Variants in STOX2 observed in about 807,000 individuals in gnomAD.
STOX2 encodes the protein storkhead-box protein 2.
STOX2 carries 28 observed loss-of-function variants against 60.9 expected under a neutral mutation model. The ratio of observed to expected loss-of-function variants is 0.46; its 90% CI spans 0.34 to 0.63. The LOEUF (loss-of-function observed/expected upper bound fraction) is 0.63. Ranked by LOEUF, STOX2 falls within the 30% of genes least tolerant of loss-of-function variation. The probability of loss-of-function intolerance (pLI) is 0.01; values close to 1 mark genes in which losing one functional copy is unlikely to be tolerated. For synonymous variants in STOX2, 472 were observed against 463.9 expected (o/e 1.02, Z -0.22); for missense variants, 1,024 against 1,187.7 (o/e 0.86, Z 2.03).
chr4:184,012,266 C>T (rs1734202743), intron 3 of STOX2, among the ~76,000 whole-genome samples: 1 of 152,176 alleles, frequency 6.6e-6, no homozygotes, highest in Admixed American at 6.5e-5. Flanking sequence ...TTCTTCTCCT[C>T]AAAGAGCAAC....
At chr4:183,936,575 C>G (rs1742598441) in intron 1 of STOX2, among the ~76,000 whole-genome samples, 1 of 151,882 alleles carries the variant, frequency 6.6e-6, no homozygotes, top group Non-Finnish European at 1.5e-5. Context: ...CATGAGTATT[C>G]TGTAGGCAGA....
At chr4:183,919,051 G>T (rs1233806086) in intron 1 of STOX2, among the ~76,000 whole-genome samples, 1 of 152,204 alleles carries the variant, frequency 6.6e-6, no homozygotes, top group Non-Finnish European at 1.5e-5. Context: ...GAAGTAACTT[G>T]CTTTCTATGG....
chr4:183,955,837 G>A (rs1743232088), intron 1 of STOX2, among the ~76,000 whole-genome samples: 1 of 152,022 alleles, frequency 6.6e-6, no homozygotes, highest in Non-Finnish European at 1.5e-5. Context: ...GTGGGAGGTG[G>A]GCTTATCCCT....
intron 1 of STOX2, among the ~76,000 whole-genome samples, chr4:183,874,057 A>C (rs1262952728): frequency 6.6e-6 from 1 of 152,190 alleles, no homozygotes; most frequent in Non-Finnish European, 1.5e-5. Context: ...TGTGGCTCCC[A>C]TAAGTAAGTG....
intron 1 of STOX2, among the ~76,000 whole-genome samples, chr4:183,919,534 C>T (rs990509232): frequency 6.6e-6 from 1 of 152,124 alleles, no homozygotes; most frequent in Non-Finnish European, 1.5e-5. Context: ...CTGGTGTGCT[C>T]CTGAAATGTC....
intron 1 of STOX2, among the ~76,000 whole-genome samples, chr4:183,928,145 G>T (rs1346172069): frequency 2.0e-5 from 3 of 152,140 alleles, no homozygotes; most frequent in Non-Finnish European, 4.4e-5. Flanking sequence ...TTTCCCAACA[G>T]ATTGGTGTTC....
chr4:183,815,008 A>AT (rs959492735), intron 1 of STOX2, among the ~76,000 whole-genome samples: 142 of 151,002 alleles, frequency 9.4e-4, no homozygotes, highest in African/African-American at 3.2e-3. Flanking sequence ...ATTTTATTTT[A>AT]TTTTTTTTCA....
chr4:183,950,669 C>A (rs368573780), intron 1 of STOX2, among the ~76,000 whole-genome samples: 3 of 23,424 alleles, frequency 1.3e-4, no homozygotes, highest in Non-Finnish European at 2.3e-4. Flanking sequence ...CATGCAATAG[C>A]GCATGAGGCC....
chr4:183,956,202 C>T (rs917476875), intron 1 of STOX2, among the ~76,000 whole-genome samples: 1 of 152,176 alleles, frequency 6.6e-6, no homozygotes, highest in African/African-American at 2.4e-5. Flanking sequence ...TTTTACACCT[C>T]GCCGTTAACA....
chr4:183,895,163 C>T (rs1741313290), intron 1 of STOX2, among the ~76,000 whole-genome samples: 1 of 152,142 alleles, frequency 6.6e-6, no homozygotes, highest in Non-Finnish European at 1.5e-5. Context: ...TGTCTCTGAG[C>T]CTTAGTTTTT....
chr4:183,959,305 A>G (rs1338129298), intron 1 of STOX2, among the ~76,000 whole-genome samples: 1 of 152,230 alleles, frequency 6.6e-6, no homozygotes, highest in African/African-American at 2.4e-5. Flanking sequence ...TATCAACGCC[A>G]GTTAGGAAGG....
upstream of STOX2, among the ~76,000 whole-genome samples, chr4:183,901,909 T>C (rs1741471295): frequency 6.6e-6 from 1 of 152,246 alleles, no homozygotes; most frequent in Non-Finnish European, 1.5e-5. Flanking sequence ...TGACAGTGTC[T>C]TCTGATGCAC....
At chr4:183,890,483 A>G (rs1442789573) in intron 1 of STOX2, among the ~76,000 whole-genome samples, 21 of 126,700 alleles carry the variant, frequency 1.7e-4, no homozygotes, top group Admixed American at 1.6e-3. Context: ...ACTCCGTCTC[A>G]AAAAAAAAAA....
intron 1 of STOX2, among the ~76,000 whole-genome samples, chr4:183,933,004 G>T (rs892484551): frequency 1.3e-5 from 2 of 152,146 alleles, no homozygotes; most frequent in Admixed American, 1.3e-4. Flanking sequence ...AATCCATACG[G>T]AGTTGTCGAG....
chr4:183,868,424 T>C (rs1477832365), intron 1 of STOX2, among the ~76,000 whole-genome samples: 1 of 151,992 alleles, frequency 6.6e-6, no homozygotes, highest in East Asian at 1.9e-4. Flanking sequence ...AGACTCAGTT[T>C]CTTTAAAAAA....
At chr4:183,874,859 G>A (rs1415680597) in intron 1 of STOX2, among the ~76,000 whole-genome samples, 3 of 142,566 alleles carry the variant, frequency 2.1e-5, no homozygotes, top group African/African-American at 7.9e-5. Flanking sequence ...CCAGGAGGCG[G>A]AGCTTGCAGT....
rs200393782 is a variant in STOX2 at position 184,010,198 on chromosome 4, C to G, written c.1360C>G (p.Pro454Ala). Reference sequence around the variant, plus strand: ...ATTGGCTAAAAGGAGAACTGAGATGCCTTTTCCTGAACCTTCTAGGGGAAG... The same window carrying G: ...ATTGGCTAAAAGGAGAACTGAGATGGCTTTTCCTGAACCTTCTAGGGGAAG... Reference protein sequence around the residue: ...GELAKRRTEMPFPEPSRGSSH... With the variant: ...GELAKRRTEMAFPEPSRGSSH... Residue 454 changes from proline (P) to alanine (A), a missense_variant, in exon 3 of 4, where the codon CCT becomes GCT. Around this residue, in one of 3 missense-constraint regions of STOX2, gnomAD observed 922 missense variants for 1,058.3 expected, o/e 0.87. Transcript: ENST00000308497. The surrounding 1 kb of genome is among the most constrained non-coding windows in gnomAD (Gnocchi z 4.5). 40 of 1,554,512 alleles carry G rather than the reference C, an allele frequency of 2.6e-5. No homozygotes were observed. The highest frequency in any genetic ancestry group is 3.3e-5 in the Non-Finnish European group (38 of 1,148,672).
At chr4:183,819,102 G>C (rs1261332360) in intron 1 of STOX2, among the ~76,000 whole-genome samples, 1 of 151,310 alleles carries the variant, frequency 6.6e-6, no homozygotes, top group Non-Finnish European at 1.5e-5. Context: ...CCCAGACGAT[G>C]GGCGGCCAGG....
chr4:184,009,838 A>T lies in STOX2; in HGVS notation c.1000A>T (p.Met334Leu). 2 of 1,611,940 alleles carry T rather than the reference A, an allele frequency of 1.2e-6. No individual in the cohort carries two copies. The highest frequency in any genetic ancestry group is 1.7e-6 in the Non-Finnish European group (2 of 1,179,064). ...VENVMRHTAL[M>L]KKLEEEKAQR... Reference sequence around the variant, plus strand: ...AAATGTCATGCGGCACACCGCGCTCATGAAGAAACTGGAAGAAGAAAAGGC... The same window carrying T: ...AAATGTCATGCGGCACACCGCGCTCTTGAAGAAACTGGAAGAAGAAAAGGC... The change falls in exon 3 of 4, where the codon ATG becomes TTG. Residue 334 changes from methionine to leucine, a missense_variant. Met to Leu is a conservative substitution (Grantham distance 15, BLOSUM62 2). Around this residue, in one of 3 missense-constraint regions of STOX2, gnomAD observed 922 missense variants for 1,058.3 expected, o/e 0.87. Coordinates refer to ENST00000308497, the MANE Select transcript of STOX2 (RefSeq NM_020225.3). The surrounding 1 kb of genome is among the most constrained non-coding windows in gnomAD (Gnocchi z 4.0).
Sources: allele counts gnomAD v4.1 joint callset (sites outside exome capture counted in the v4.1 genomes callset), GRCh38; gene constraint gnomAD v4.1.1; regional missense constraint gnomAD v4.1.1; non-coding constraint Gnocchi (gnomAD v3.1); transcripts MANE v1.5; gene names NCBI Gene and HGNC (gene_info 2026-07-23, HGNC 2026-07-21).